The following ABCA10 variants were observed in gnomAD, a reference collection of about 807,000 sequenced individuals.
ABCA10 encodes ATP binding cassette subfamily A member 10.
Under a neutral mutation model 187.5 loss-of-function variants are expected in ABCA10, and 169 were observed. The observed-to-expected ratio is 0.90, with a 90% CI of 0.80 to 1.02. ABCA10 has a LOEUF of 1.02. ABCA10 is among the 50% of genes least tolerant of loss of function. ABCA10 has a pLI of 0.00. For missense variants in ABCA10, 1,727 were observed against 1,812.4 expected (o/e 0.95, Z 0.86); for synonymous variants, 574 against 601.8 (o/e 0.95, Z 0.68).
At chr17:69,166,148 T>C (rs895241343) in intron 25 of ABCA10, among the ~76,000 whole-genome samples, 2 of 152,164 alleles carry the variant, frequency 1.3e-5, no homozygotes, top group African/African-American at 4.8e-5. Flanking sequence ...CTTAAAATGC[T>C]GTGTGAGGCT....
In ABCA10 at chr17:69,197,092, T is replaced by C; in HGVS notation, c.1206A>G (p.Gly402=). ...GCAATGCTTCTACTTTTCCAGTCTT[T>C]CCATTATATTCTTTTATAACATTTC... ...RIRNVIKEYN[G]KTGKVEALQG... The change falls in exon 11 of 39, where the codon GGA becomes GGG. Residue 402 remains glycine (G), a synonymous_variant. Transcript: ENST00000690296. The C allele has an allele frequency of 6.3e-7, 1 of 1,597,514 alleles. No homozygotes were observed. Among genetic ancestry groups the C allele is most frequent in the Non-Finnish European group, 8.6e-7 (1 of 1,168,542 alleles).
intron 25 of ABCA10, among the ~76,000 whole-genome samples, chr17:69,172,802 G>GATT (rs1555659216): frequency 2.0e-5 from 3 of 151,626 alleles, no homozygotes; most frequent in Admixed American, 6.6e-5. Context: ...ATTAAAAGCA[G>GATT]GTTAAGTCTG....
At chr17:69,240,063 T>C (rs940331865) in intron 1 of ABCA10, among the ~76,000 whole-genome samples, 3 of 152,324 alleles carry the variant, frequency 2.0e-5, no homozygotes, top group Non-Finnish European at 4.4e-5. Context: ...TGCCAGGACA[T>C]TAAAAATCCT....
In ABCA10 at chr17:69,210,170, CTTTTTTTTTTTTT is replaced by C. The variant is rs1160992125; in HGVS notation, c.1006+4521_1006+4533del. ...TGGGTAAATTATTTAGTGGTTATTT[CTTTTTTTTTTTTT>C]TTTTTTTTTTTTTTTTTGAGACGGA... On this transcript the variant is annotated intron_variant, in intron 9 of 38. Transcript: ENST00000690296. 3.5e-3 allele frequency among the ~76,000 whole-genome samples: 248 copies of C among 70,880 alleles called. 3 individuals carry two copies. Among genetic ancestry groups the C allele is most frequent in the African/African-American group, 0.016 (233 of 14,964 alleles). 46.5% of individuals were successfully genotyped at this position (70,880 alleles called of 152,430 possible). A position where few individuals can be genotyped will look rare whatever the true frequency, so the allele number is the denominator to read the frequency against.
At chr17:69,170,421 A>AT (rs542256037) in intron 25 of ABCA10, among the ~76,000 whole-genome samples, 5 of 136,154 alleles carry the variant, frequency 3.7e-5, no homozygotes, top group Non-Finnish European at 6.2e-5. Context: ...TACCACATCT[A>AT]TATTGTTTTA....
chr17:69,164,041 A>AAT (rs745621053), intron 27 of ABCA10, 33 bp downstream of exon 27: 2 of 1,476,734 alleles, frequency 1.4e-6, no homozygotes, highest in Non-Finnish European at 1.8e-6. Context: ...AATCTTATGC[A>AAT]ATATATATAT....
chr17:69,180,081 A>G (rs990980994), intron 22 of ABCA10, among the ~76,000 whole-genome samples: 1 of 152,224 alleles, frequency 6.6e-6, no homozygotes, highest in African/African-American at 2.4e-5. Flanking sequence ...TACATTAAAC[A>G]CTTTTAAAAA....
intron 22 of ABCA10, among the ~76,000 whole-genome samples, chr17:69,180,543 CAATT>C (rs1401962313): frequency 6.6e-6 from 1 of 151,682 alleles, no homozygotes; most frequent in Non-Finnish European, 1.5e-5. Flanking sequence ...TAAAAGTAAA[CAATT>C]AAGGGTAAAT....
Position 69,194,456 on chromosome 17 carries a change from A to G in ABCA10, c.1274T>C (p.Ile425Thr). Reference protein sequence around the residue: ...FDIYEGQITAILGHNGAGKST... With the variant: ...FDIYEGQITATLGHNGAGKST... ...TTTACCAGCTCCATTATGCCCAAGT[A>G]TTGCAGTGATCTGTCCTTCATATAT... Residue 425 changes from isoleucine (I) to threonine (T), a missense_variant, in exon 12 of 39, where the codon ATA becomes ACA. Coordinates refer to ENST00000690296, the MANE Select transcript of ABCA10 (RefSeq NM_001377321.1). 1 of 1,613,218 alleles carries G rather than the reference A, an allele frequency of 6.2e-7. No individual in the cohort carries two copies. The highest frequency in any genetic ancestry group is 2.2e-5 in the East Asian group (1 of 44,760).
chr17:69,214,713 C>T lies in ABCA10; in HGVS notation c.997G>A (p.Val333Ile). ...YLIFTLYFER[V>I]LPDKDGHGDS... is the part of the protein sequence containing the mutation. ...CACACTATTAACTTACCAGGTAAAA[C>T]TCGCTCAAAATATAATGTGAATATC... is the stretch of plus-strand genomic sequence containing the variant. Residue 333 changes from valine to isoleucine, a missense_variant, in exon 9 of 39, where the codon GTT becomes ATT. Val to Ile is a conservative substitution (Grantham distance 29). Coordinates refer to ENST00000690296, the MANE Select transcript of ABCA10 (RefSeq NM_001377321.1). The T allele has an allele frequency of 1.3e-6, 2 of 1,503,796 alleles. No homozygotes were observed. Among genetic ancestry groups the T allele is most frequent in the Non-Finnish European group, 1.8e-6 (2 of 1,133,020 alleles). 93.2% of individuals were successfully genotyped at this position (1,503,796 alleles called of 1,614,324 possible).
At chr17:69,177,790 C>T (rs1187542444) in intron 22 of ABCA10, among the ~76,000 whole-genome samples, 1 of 150,256 alleles carries the variant, frequency 6.7e-6, no homozygotes, top group East Asian at 2.0e-4. Context: ...CCCATCTCTA[C>T]TAAAAATACA....
At chr17:69,160,901 C>T (rs1316965413) in intron 27 of ABCA10, among the ~76,000 whole-genome samples, 1 of 152,172 alleles carries the variant, frequency 6.6e-6, no homozygotes, top group African/African-American at 2.4e-5. Context: ...AGCACTCCCA[C>T]TTCTGGGTAT....
chr17:69,175,135 C>T (rs2074324906), intron 23 of ABCA10, among the ~76,000 whole-genome samples: 1 of 152,136 alleles, frequency 6.6e-6, no homozygotes, highest in Non-Finnish European at 1.5e-5. Context: ...TGTGAAATAA[C>T]TGCATGGATC....
intron 9 of ABCA10, among the ~76,000 whole-genome samples, chr17:69,211,071 G>T (rs901765373): frequency 4.6e-5 from 7 of 150,542 alleles, no homozygotes; most frequent in Non-Finnish European, 8.8e-5. Context: ...ACAGTACGGA[G>T]ATTCCTTAAA....
At chr17:69,226,637 C>T (rs914682780) in intron 2 of ABCA10, among the ~76,000 whole-genome samples, 3 of 151,956 alleles carry the variant, frequency 2.0e-5, no homozygotes, top group Non-Finnish European at 4.4e-5. Flanking sequence ...TTACAAAAAG[C>T]ACGGCTTTGA....
chr17:69,156,307 C>A (rs1168054582), intron 28 of ABCA10, among the ~76,000 whole-genome samples: 1 of 152,138 alleles, frequency 6.6e-6, no homozygotes, highest in African/African-American at 2.4e-5. Flanking sequence ...TCCTTAGGGA[C>A]CCATAATGGC....
At chr17:69,193,771 G>A (rs2074479153) in intron 13 of ABCA10, 43 bp downstream of exon 13, 1 of 1,590,210 alleles carries the variant, frequency 6.3e-7, no homozygotes, top group Non-Finnish European at 8.5e-7. Flanking sequence ...ATAGTCAAAA[G>A]TAAATTATTT....
intron 9 of ABCA10, among the ~76,000 whole-genome samples, chr17:69,201,963 A>G (rs1055628582): frequency 6.6e-6 from 1 of 152,062 alleles, no homozygotes; most frequent in Non-Finnish European, 1.5e-5. Context: ...TTGTATTTTT[A>G]TTAGAGACAG....
intron 25 of ABCA10, among the ~76,000 whole-genome samples, chr17:69,168,461 T>C (rs1228482975): frequency 6.6e-6 from 1 of 152,164 alleles, no homozygotes; most frequent in Non-Finnish European, 1.5e-5. Context: ...ACAATCAATA[T>C]GAATGAATGA....
Sources: gnomAD v4.1 joint callset for allele counts (sites outside exome capture counted in the v4.1 genomes callset) on GRCh38, gnomAD v4.1.1 for gene constraint, MANE v1.5 for transcripts, NCBI Gene and HGNC (gene_info 2026-07-23, HGNC 2026-07-21) for gene names.